The following UBE3D variants were observed in gnomAD, a reference collection of about 807,000 sequenced individuals.
UBE3D encodes ubiquitin protein ligase E3D, also known as E3 ubiquitin-protein ligase E3D.
Under a neutral mutation model 49.6 loss-of-function variants are expected in UBE3D, and 48 were observed. That is an observed-to-expected ratio of 0.97 (90% confidence interval 0.77 to 1.23). The LOEUF (loss-of-function observed/expected upper bound fraction) is 1.23, where lower values mean the gene tolerates loss of function less well. UBE3D is among the 50% of genes most tolerant of loss of function. UBE3D has a pLI of 0.00. For missense variants in UBE3D, 452 were observed against 468.4 expected (o/e 0.96, Z 0.32); for synonymous variants, 189 against 174.2 (o/e 1.08, Z -0.67).
At chr6:83,040,258 C>G (rs986922471) in intron 4 of UBE3D, among the ~76,000 whole-genome samples, 1 of 151,976 alleles carries the variant, frequency 6.6e-6, no homozygotes, top group African/African-American at 2.4e-5. Context: ...GTGGTGCGCG[C>G]TTGTAGTCCC....
intron 9 of UBE3D, among the ~76,000 whole-genome samples, chr6:82,907,498 G>A (rs1450902182): frequency 2.6e-5 from 4 of 152,132 alleles, no homozygotes; most frequent in Admixed American, 6.5e-5. Flanking sequence ...CCAATTACGG[G>A]TAGTGGTGGG....
At chr6:82,919,430 T>C (rs958427603) in intron 9 of UBE3D, among the ~76,000 whole-genome samples, 4 of 151,448 alleles carry the variant, frequency 2.6e-5, no homozygotes. Context: ...GGTGAAACCC[T>C]GTCTGCACTA....
intron 8 of UBE3D, among the ~76,000 whole-genome samples, chr6:82,997,848 T>C (rs1779351924): frequency 6.6e-6 from 1 of 152,244 alleles, no homozygotes; most frequent in African/African-American, 2.4e-5. Context: ...ACAGTGGTTA[T>C]ACAGACGGGA....
Position 83,065,654 on chromosome 6 carries a change from AGCGCGCT to A in UBE3D, c.58_64del (p.Ser20PhefsTer2). On this transcript the variant is annotated frameshift_variant, in exon 1 of 10. Coordinates refer to ENST00000369747, the MANE Select transcript of UBE3D (RefSeq NM_198920.3). LOFTEE classifies it high-confidence loss of function. ...TCCCAGTTCTTACCCCAGGATCAGA[AGCGCGCT>A]CTGCAGCTGTCCCCGCACCTCCAGA... 1 of 1,613,922 alleles carries A rather than the reference AGCGCGCT, an allele frequency of 6.2e-7. No individual in the cohort carries two copies. Among genetic ancestry groups the A allele is most frequent in the Non-Finnish European group, 8.5e-7 (1 of 1,179,902 alleles).
chr6:82,958,861 A>G (rs779169661), intron 8 of UBE3D, among the ~76,000 whole-genome samples: 8 of 152,240 alleles, frequency 5.3e-5, no homozygotes, highest in African/African-American at 9.6e-5. Flanking sequence ...CCAAAGCAAG[A>G]TGCTTTTATA....
At chr6:82,973,114 AC>A (rs888622935) in intron 8 of UBE3D, among the ~76,000 whole-genome samples, 49 of 152,348 alleles carry the variant, frequency 3.2e-4, no homozygotes, top group African/African-American at 8.9e-4. Context: ...AGACAAAAAA[AC>A]AAGACAAAAC....
In UBE3D at chr6:82,942,021, C is replaced by T. The variant is rs576542349; in HGVS notation, c.1149+15291G>A. ...TGGAAGTGACTTTGGAACTGGGAAA[C>T]GGGCAGAGGTTGGAACAGTTTGGAG... On this transcript the variant is annotated intron_variant, in intron 9 of 9. Coordinates refer to ENST00000369747, the MANE Select transcript of UBE3D (RefSeq NM_198920.3). Among the ~76,000 whole-genome samples the T allele has an allele frequency of 4.6e-5, 7 of 152,206 alleles. No individual in the cohort carries two copies. The South Asian group carries it at 1.0e-3, about 23-fold the overall frequency.
At chr6:82,930,651 G>T (rs1332859423) in intron 9 of UBE3D, among the ~76,000 whole-genome samples, 1 of 152,184 alleles carries the variant, frequency 6.6e-6, no homozygotes, top group East Asian at 1.9e-4. Flanking sequence ...GGTCACTCTT[G>T]CTATGCAAAG....
chr6:82,923,801 A>G (rs1773538468), intron 9 of UBE3D, among the ~76,000 whole-genome samples: 1 of 152,248 alleles, frequency 6.6e-6, no homozygotes, highest in Non-Finnish European at 1.5e-5. Flanking sequence ...ATATGAATTT[A>G]TATCATGACC....
chr6:82,966,345 T>G (rs911041143), intron 8 of UBE3D, among the ~76,000 whole-genome samples: 14 of 152,192 alleles, frequency 9.2e-5, no homozygotes, highest in African/African-American at 3.4e-4. Context: ...CACAACCTTG[T>G]GAATATACTT....
intron 2 of UBE3D, among the ~76,000 whole-genome samples, chr6:83,054,777 C>T (rs967649666): frequency 5.9e-5 from 9 of 152,018 alleles, no homozygotes; most frequent in Non-Finnish European, 1.2e-4. Flanking sequence ...CAGCCTCCCG[C>T]GTAGCTGGGA....
At chr6:82,964,571 T>C (rs1290970602) in intron 8 of UBE3D, among the ~76,000 whole-genome samples, 1 of 152,170 alleles carries the variant, frequency 6.6e-6, no homozygotes, top group Non-Finnish European at 1.5e-5. Flanking sequence ...TATTGAAATA[T>C]TATGTTGCTT....
intron 9 of UBE3D, among the ~76,000 whole-genome samples, chr6:82,939,420 T>TC (rs1477457030): frequency 6.6e-6 from 1 of 152,260 alleles, no homozygotes; most frequent in Non-Finnish European, 1.5e-5. Flanking sequence ...CATAATGATG[T>TC]CTGATCAACA....
At chr6:82,933,478 G>A (rs907194833) in intron 9 of UBE3D, among the ~76,000 whole-genome samples, 5 of 152,188 alleles carry the variant, frequency 3.3e-5, no homozygotes, top group African/African-American at 1.2e-4. Flanking sequence ...ACAACATTTA[G>A]CAGACAACTT....
At chr6:83,049,701 T>C (rs1348689472) in intron 3 of UBE3D, 3 of 468,096 alleles carry the variant, frequency 6.4e-6, no homozygotes, top group African/African-American at 2.0e-5. Flanking sequence ...CACCTAGCAC[T>C]ACCTTACCAG....
intron 9 of UBE3D, among the ~76,000 whole-genome samples, chr6:82,940,231 A>T (rs1774910237): frequency 6.6e-6 from 1 of 152,216 alleles, no homozygotes; most frequent in South Asian, 2.1e-4. Flanking sequence ...TTCAGATTAG[A>T]GAACTGTATT....
At chr6:83,032,075 C>G (rs1781916806) in intron 5 of UBE3D, among the ~76,000 whole-genome samples, 1 of 152,206 alleles carries the variant, frequency 6.6e-6, no homozygotes, top group Non-Finnish European at 1.5e-5. Flanking sequence ...GGGGTGGGAG[C>G]TCCCATGTAG....
chr6:83,022,600 A>G lies in UBE3D; in HGVS notation c.738-39T>C, dbSNP rs551392610. The G allele has an allele frequency of 1.1e-4, 161 of 1,439,924 alleles. 2 individuals are homozygous for G. In the East Asian group the frequency reaches 3.8e-3, roughly 34 times the overall value. 89.2% of individuals were successfully genotyped at this position (1,439,924 alleles called of 1,614,324 possible). ...AATCAATTTTTACAATGTGTATCTC[A>G]TAATAACTCTAACTGGCAAGATAAG... On this transcript the variant is annotated intron_variant, in intron 6 of 9. Coordinates refer to ENST00000369747, the MANE Select transcript of UBE3D (RefSeq NM_198920.3).
At chr6:83,057,169 A>C (rs984597853) in intron 2 of UBE3D, among the ~76,000 whole-genome samples, 4 of 152,226 alleles carry the variant, frequency 2.6e-5, no homozygotes, top group Non-Finnish European at 5.9e-5. Context: ...CAGTCCCCAC[A>C]TGGATAGGAT....
Sources: allele counts gnomAD v4.1 joint callset (sites outside exome capture counted in the v4.1 genomes callset), GRCh38; gene constraint gnomAD v4.1.1; transcripts MANE v1.5; gene names NCBI Gene and HGNC (gene_info 2026-07-23, HGNC 2026-07-21).